The following GAL3ST1 variants were observed in gnomAD, a reference collection of about 807,000 sequenced individuals.
The protein encoded by GAL3ST1 is galactose-3-O-sulfotransferase 1, also known as galactosylceramide sulfotransferase.
GAL3ST1 carries 13 observed loss-of-function variants against 25.0 expected under a neutral mutation model. The observed-to-expected ratio is 0.52, with a 90% confidence interval of 0.34 to 0.83. The LOEUF is 0.83. Among genes scored for constraint, GAL3ST1 ranks in the 40% least tolerant of loss-of-function variants. The pLI is 0.02. For missense variants in GAL3ST1, 474 were observed against 613.6 expected (o/e 0.77, Z 2.40); for synonymous variants, 274 against 277.8 (o/e 0.99, Z 0.14).
rs745329677 is a variant in GAL3ST1, at chr22:30,557,288, G to A, written c.105C>T (p.Pro35=). The A allele has an allele frequency of 6.2e-7, 1 of 1,614,196 alleles. No homozygotes were observed. Among genetic ancestry groups the A allele is most frequent in the South Asian group, 1.1e-5 (1 of 91,082 alleles). ...FLLLVYSYAV[P]PLHAGLASTT... is the part of the protein sequence containing the mutation. The stretch of plus-strand genomic sequence containing the variant: ...TGGAGGCCAGGCCGGCATGCAGCGG[G>A]GGCACGGCATAGGAGTACACCAGCA... Residue 35 remains proline (P), a synonymous_variant, in exon 3 of 4, where the codon CCC becomes CCT. Coordinates refer to ENST00000406361, the MANE Select transcript of GAL3ST1 (RefSeq NM_001318104.2).
chr22:30,565,242 A>G (rs1381964473), intron 1 of GAL3ST1: 1 of 152,328 alleles, frequency 6.6e-6, no homozygotes. Flanking sequence ...CTGGGGTGCC[A>G]GAGGGCTAAT....
At chr22:30,571,447 C>T (rs541989377) in intron 1 of GAL3ST1, among the ~76,000 whole-genome samples, 81 of 152,308 alleles carry the variant, frequency 5.3e-4, no homozygotes, top group African/African-American at 1.5e-3. Flanking sequence ...GCCCCTGCTG[C>T]GACCTAGCCT....
chr22:30,573,969 G>C (rs977076620), intron 1 of GAL3ST1, among the ~76,000 whole-genome samples: 8 of 152,272 alleles, frequency 5.3e-5, no homozygotes, highest in African/African-American at 1.7e-4. Flanking sequence ...GCTTCCTCTG[G>C]GGTACAGGCC....
chr22:30,563,865 G>T lies in GAL3ST1; in HGVS notation c.-119-5477C>A, dbSNP rs145992888. Among the ~76,000 whole-genome samples, 352 of 148,596 alleles carry T rather than the reference G, an allele frequency of 2.4e-3. 3 individuals are homozygous for T. Among genetic ancestry groups the T allele is most frequent in the African/African-American group, 8.2e-3 (330 of 40,278 alleles). ...CAGGAGGCGGAGCTTGCAGCGAGCC[G>T]AGATCACTCCACTGCACTCCAGCCT... On this transcript the variant is annotated intron_variant, in intron 1 of 3. Transcript: ENST00000406361.
At chr22:30,558,103 A>G (rs933708202) in intron 2 of GAL3ST1, among the ~76,000 whole-genome samples, 176 bp downstream of exon 2, 3 of 151,758 alleles carry the variant, frequency 2.0e-5, no homozygotes, top group Non-Finnish European at 1.5e-5. Flanking sequence ...ACACTTTTCT[A>G]AGGCAAAAGG....
rs996628632 is a variant in GAL3ST1, at chr22:30,567,149, T to C, written c.-120+7317A>G. On this transcript the variant is annotated intron_variant, in intron 1 of 3. Coordinates refer to ENST00000406361, the MANE Select transcript of GAL3ST1 (RefSeq NM_001318104.2). The stretch of plus-strand genomic sequence containing the variant: ...AACTTTTTCAATGATAAAAGCAGTA[T>C]ACTGAAAAAAAAATTCAAACAATAC... Among the ~76,000 whole-genome samples the C allele has an allele frequency of 1.5e-4, 22 of 151,306 alleles. 4 individuals are homozygous for C. The highest frequency in any genetic ancestry group is 1.3e-3 in the Admixed American group (20 of 15,182).
chr22:30,561,574 T>C (rs1174808223), intron 1 of GAL3ST1, among the ~76,000 whole-genome samples: 1 of 152,236 alleles, frequency 6.6e-6, no homozygotes, highest in Admixed American at 6.5e-5. Flanking sequence ...TCCAATGTGC[T>C]GCTTCCTGCT....
intron 2 of GAL3ST1, 49 bp from the exon 3 acceptor site, chr22:30,557,450 G>T (rs2086114710): frequency 6.2e-7 from 1 of 1,607,892 alleles, no homozygotes; most frequent in African/African-American, 1.3e-5. Flanking sequence ...CTGGCCCCAG[G>T]GAGCCCCCAA....
Position 30,554,698 on chromosome 22 carries a change from A to G in GAL3ST1, c.*255T>C, listed in dbSNP as rs1025226937. ...GTCTCCCCTTTAAGGGGAGGCAGAA[A>G]TAGAACATTCTTTATCGGGGAGGGA... On this transcript the variant is annotated 3_prime_UTR_variant, in exon 4 of 4. Coordinates refer to ENST00000406361, the MANE Select transcript of GAL3ST1 (RefSeq NM_001318104.2). The G allele has an allele frequency of 4.8e-5, 17 of 353,976 alleles. No homozygotes were observed. The highest frequency in any genetic ancestry group is 8.6e-5 in the Non-Finnish European group (17 of 197,794). 21.9% of individuals were successfully genotyped at this position (353,976 alleles called of 1,614,324 possible).
chr22:30,567,112 G>A (rs2086648666), intron 1 of GAL3ST1, among the ~76,000 whole-genome samples: 1 of 151,642 alleles, frequency 6.6e-6, no homozygotes, highest in Non-Finnish European at 1.5e-5. Flanking sequence ...ATGCACCATG[G>A]TGCCCAGCAA....
intron 1 of GAL3ST1, among the ~76,000 whole-genome samples, 174 bp downstream of exon 1, chr22:30,574,292 C>A (rs927711525): frequency 5.3e-5 from 8 of 152,124 alleles, no homozygotes; most frequent in Non-Finnish European, 8.8e-5. Flanking sequence ...TACCAGGCCA[C>A]CCTCTGGCAG....
At chr22:30,566,907 C>T (rs1451113094) in intron 1 of GAL3ST1, among the ~76,000 whole-genome samples, 1 of 152,074 alleles carries the variant, frequency 6.6e-6, no homozygotes, top group Non-Finnish European at 1.5e-5. Context: ...CCACGCCCAG[C>T]CGATGACATC....
rs1328088835 is a variant in GAL3ST1 at position 30,555,130 on chromosome 22, C to T, written c.1095G>A (p.Trp365Ter). The change falls in exon 4 of 4, where the codon TGG (tryptophan) becomes TGA (stop). Residue 365 changes from tryptophan to a stop codon, truncating the protein, a stop_gained. Transcript: ENST00000406361. LOFTEE classifies it high-confidence loss of function. The surrounding 1 kb of genome is among the most constrained non-coding windows in gnomAD (Gnocchi z 8.6). ...GGATGGACTTGGTGCCCAGCGGCTGCCAGGGCTGCATGGCCTCGTCCTGGA... is the reference window on the plus strand; with the variant it reads ...GGATGGACTTGGTGCCCAGCGGCTGTCAGGGCTGCATGGCCTCGTCCTGGA... Reference protein sequence around the residue: ...AAIQDEAMQPWQPLGTKSILG... With the variant: ...AAIQDEAMQP 1 of 1,610,852 alleles carries T rather than the reference C, an allele frequency of 6.2e-7. No homozygotes were observed. The highest frequency in any genetic ancestry group is 8.5e-7 in the Non-Finnish European group (1 of 1,179,420).
At chr22:30,570,487 G>A (rs1385362163) in intron 1 of GAL3ST1, among the ~76,000 whole-genome samples, 3 of 152,206 alleles carry the variant, frequency 2.0e-5, no homozygotes, top group African/African-American at 7.2e-5. Context: ...GGAAACTGAG[G>A]CTCGGAGAGA....
chr22:30,570,786 CAA>C (rs11330493), intron 1 of GAL3ST1, among the ~76,000 whole-genome samples: 73 of 144,070 alleles, frequency 5.1e-4, no homozygotes, highest in African/African-American at 6.9e-4. Context: ...AACTCCGTCT[CAA>C]AAAAAAAAAA....
chr22:30,570,227 A>G (rs2086739490), intron 1 of GAL3ST1, among the ~76,000 whole-genome samples: 1 of 152,194 alleles, frequency 6.6e-6, no homozygotes, highest in Non-Finnish European at 1.5e-5. Context: ...GCTGGAGTGG[A>G]ATCCCATCGG....
Position 30,554,827 on chromosome 22 carries a change from G to A in GAL3ST1, c.*126C>T. 1.4e-6 allele frequency: 1 copy of A among 692,014 alleles called. No individual in the cohort carries two copies. 42.9% of individuals were successfully genotyped at this position (692,014 alleles called of 1,614,324 possible). A position where few individuals can be genotyped will look rare whatever the true frequency, so the allele number is the denominator to read the frequency against. On this transcript the variant is annotated 3_prime_UTR_variant, in exon 4 of 4. Transcript: ENST00000406361. Reference sequence around the variant, plus strand: ...TTGGCTGGCTGCCTCCCCCCAGGGAGCCCCCCCTCACCCCGGGGTCTGAGG... The same window carrying A: ...TTGGCTGGCTGCCTCCCCCCAGGGAACCCCCCCTCACCCCGGGGTCTGAGG...
chr22:30,562,988 C>T (rs1211158733), intron 1 of GAL3ST1, among the ~76,000 whole-genome samples: 1 of 152,044 alleles, frequency 6.6e-6, no homozygotes, highest in African/African-American at 2.4e-5. Flanking sequence ...TGGTGGTGCG[C>T]ACCTGTAATC....
Position 30,555,275 on chromosome 22 carries a change from C to A in GAL3ST1, c.950G>T (p.Arg317Leu). Reference protein sequence around the residue: ...LYRHFNASFWRKVEAFGRERM... With the variant: ...LYRHFNASFWLKVEAFGRERM... ...CTCCCGCCCGAAGGCCTCCACCTTG[C>A]GCCAGAAGCTGGCGTTGAAGTGGCG... The change falls in exon 4 of 4, where the codon CGC becomes CTC. Residue 317 changes from arginine to leucine, a missense_variant. Transcript: ENST00000406361. The surrounding 1 kb of genome is among the most constrained non-coding windows in gnomAD (Gnocchi z 8.6). 1 of 1,602,132 alleles carries A rather than the reference C, an allele frequency of 6.2e-7. No individual in the cohort carries two copies. Among genetic ancestry groups the A allele is most frequent in the Non-Finnish European group, 8.5e-7 (1 of 1,176,308 alleles).
Sources: allele counts gnomAD v4.1 joint callset (sites outside exome capture counted in the v4.1 genomes callset), GRCh38; gene constraint gnomAD v4.1.1; non-coding constraint Gnocchi (gnomAD v3.1); transcripts MANE v1.5; gene names NCBI Gene and HGNC (gene_info 2026-07-23, HGNC 2026-07-21).